CSMD1: variants seen among roughly 807,000 people sequenced by gnomAD.
CSMD1 encodes CUB and sushi domain-containing protein 1.
A neutral mutation model predicts 417.5 loss-of-function variants in CSMD1; 213 were observed. That is an observed-to-expected ratio of 0.51 (90% CI 0.46 to 0.57). CSMD1 has a LOEUF of 0.57. CSMD1 is among the 20% of genes least tolerant of loss of function. CSMD1 has a pLI of 0.00. For missense variants in CSMD1, 6,923 were observed against 4,529.7 expected, an observed-to-expected ratio of 1.53 and a Z score of -15.17; for synonymous variants, 2,862 against 1,736.8, an observed-to-expected ratio of 1.65 and a Z score of -16.11.
chr8:3,958,975 C>T (rs1037044387), intron 5 of CSMD1, among the ~76,000 whole-genome samples: 2 of 152,160 alleles, frequency 1.3e-5, no homozygotes, highest in Non-Finnish European at 2.9e-5. Flanking sequence ...TGTGAGCTCC[C>T]GGTCTGGGCC....
intron 12 of CSMD1, among the ~76,000 whole-genome samples, 167 bp from the exon 13 acceptor site, chr8:3,409,772 C>T (rs566344481): frequency 4.6e-5 from 7 of 152,032 alleles, no homozygotes; most frequent in African/African-American, 1.7e-4. Context: ...ATTTCAAATA[C>T]CAGAAAAAGA....
At chr8:4,185,843 T>A (rs1379990977) in intron 3 of CSMD1, among the ~76,000 whole-genome samples, 2 of 152,192 alleles carry the variant, frequency 1.3e-5, no homozygotes, top group Admixed American at 6.5e-5. Context: ...AAGCATGCAA[T>A]GAACAGAGCA....
chr8:4,251,461 C>G (rs1367897442), intron 3 of CSMD1, among the ~76,000 whole-genome samples: 2 of 152,120 alleles, frequency 1.3e-5, no homozygotes, highest in Non-Finnish European at 2.9e-5. Flanking sequence ...GCCCCTACAC[C>G]ATGCAGTGTT....
At chr8:4,619,907 T>C (rs759348370) in intron 2 of CSMD1, among the ~76,000 whole-genome samples, 1 of 152,030 alleles carries the variant, frequency 6.6e-6, no homozygotes, top group Admixed American at 6.6e-5. Context: ...ACTGGGCCAA[T>C]CACAACAAAA....
intron 3 of CSMD1, among the ~76,000 whole-genome samples, chr8:4,112,455 C>T (rs548099288): frequency 1.3e-5 from 2 of 152,320 alleles, no homozygotes; most frequent in South Asian, 2.1e-4. Flanking sequence ...CCTCCCCATT[C>T]TCCCCTGGTT....
intron 10 of CSMD1, among the ~76,000 whole-genome samples, chr8:3,569,058 T>C (rs1799836875): frequency 6.6e-6 from 1 of 152,198 alleles, no homozygotes; most frequent in Non-Finnish European, 1.5e-5. Flanking sequence ...AACATATTTA[T>C]ACATATCATA....
rs142404888 is a variant in CSMD1, at chr8:3,033,649, C to T, written c.7661-4136G>A. 1.2e-4 allele frequency among the ~76,000 whole-genome samples: 18 copies of T among 150,306 alleles called. No homozygotes were observed. The East Asian group carries it at 3.3e-3, about 27-fold the overall frequency. The stretch of plus-strand genomic sequence containing the variant: ...AGCATTAGGACAAATACTTAAACCA[C>T]GCGGGATTTAAAACCTAGATGACAG... On this transcript the variant is annotated intron_variant, in intron 50 of 69. Coordinates refer to ENST00000635120, the MANE Select transcript of CSMD1 (RefSeq NM_033225.6).
At chr8:4,286,259 C>T (rs531163646) in intron 3 of CSMD1, among the ~76,000 whole-genome samples, 66 of 152,260 alleles carry the variant, frequency 4.3e-4, no homozygotes, top group African/African-American at 1.5e-3. Context: ...CCATGCTCTC[C>T]ATGTCTCACT....
In CSMD1 at chr8:4,534,659, G is replaced by C. The variant is rs182890639; in HGVS notation, c.302+102683C>G. On this transcript the variant is annotated intron_variant, in intron 2 of 69. Transcript: ENST00000635120. ...TATGGCCATGTGTGCTCAGTGTTTAGTTCCCAGTTATAAGTGAGAACATGT... is the reference window on the plus strand; with the variant it reads ...TATGGCCATGTGTGCTCAGTGTTTACTTCCCAGTTATAAGTGAGAACATGT... 2.0e-3 allele frequency among the ~76,000 whole-genome samples: 297 copies of C among 152,044 alleles called. 2 individuals are homozygous for C. Among genetic ancestry groups the C allele is most frequent in the Non-Finnish European group, 3.8e-3 (257 of 67,984 alleles).
At chr8:4,931,755 G>A (rs117125163) in intron 1 of CSMD1, among the ~76,000 whole-genome samples, 16 of 152,320 alleles carry the variant, frequency 1.1e-4, no homozygotes, top group Non-Finnish European at 1.9e-4. Context: ...GCAATTTGGA[G>A]AGAATGGCTA....
chr8:4,077,757 G>A (rs1266670515), intron 3 of CSMD1, among the ~76,000 whole-genome samples: 3 of 152,074 alleles, frequency 2.0e-5, no homozygotes, highest in African/African-American at 7.2e-5. Flanking sequence ...CAATGCTATT[G>A]CCCTATGATA....
At chr8:3,501,559 A>C (rs1044241170) in intron 10 of CSMD1, among the ~76,000 whole-genome samples, 1 of 152,204 alleles carries the variant, frequency 6.6e-6, no homozygotes, top group African/African-American at 2.4e-5. Flanking sequence ...TGTAGGTTTG[A>C]AATTAATGGG....
chr8:4,022,112 G>C (rs975317474), intron 4 of CSMD1, among the ~76,000 whole-genome samples: 5 of 112,628 alleles, frequency 4.4e-5, no homozygotes, highest in Non-Finnish European at 8.9e-5. Flanking sequence ...TATATGAATG[G>C]ATATAGAATA....
intron 8 of CSMD1, among the ~76,000 whole-genome samples, chr8:3,616,397 A>T (rs1285268294): frequency 1.3e-5 from 2 of 152,166 alleles, no homozygotes; most frequent in Non-Finnish European, 2.9e-5. Flanking sequence ...TTCTGCCATG[A>T]TTGTAAGTTT....
intron 4 of CSMD1, among the ~76,000 whole-genome samples, chr8:4,021,501 G>C (rs905408937): frequency 6.6e-6 from 1 of 152,126 alleles, no homozygotes. Context: ...TACATCCCCA[G>C]CATCGTCCTC....
intron 42 of CSMD1, among the ~76,000 whole-genome samples, chr8:3,117,804 T>C (rs1816958714): frequency 6.6e-6 from 1 of 152,150 alleles, no homozygotes; most frequent in Non-Finnish European, 1.5e-5. Flanking sequence ...CCTCTTGCAC[T>C]ATTAAACCAC....
At position 3,587,985 on chromosome 8, in the gene CSMD1, C is replaced by T. The variant is rs139561807; in HGVS notation, c.1098-1725G>A. Among the ~76,000 whole-genome samples the T allele has an allele frequency of 2.8e-3, 433 of 152,176 alleles. 5 individuals are homozygous for T. The highest frequency in any genetic ancestry group is 0.025 in the Admixed American group (377 of 15,290). ...CGTGATTCCCATTTTCATTGCTAGC[C>T]ATCACAGTTATTTAAGATATCTGTA... On this transcript the variant is annotated intron_variant, in intron 8 of 69. Coordinates refer to ENST00000635120, the MANE Select transcript of CSMD1 (RefSeq NM_033225.6).
intron 2 of CSMD1, among the ~76,000 whole-genome samples, chr8:4,613,721 T>C (rs59085628): frequency 0.056 from 8,528 of 152,100 alleles, 250 homozygotes; most frequent in African/African-American, 0.073. Context: ...GTGAAAAAAA[T>C]AGAAGACTGA....
At chr8:3,846,697 G>A (rs185367929) in intron 5 of CSMD1, among the ~76,000 whole-genome samples, 36 of 151,970 alleles carry the variant, frequency 2.4e-4, no homozygotes, top group South Asian at 1.2e-3. Flanking sequence ...TCTCTCTGTC[G>A]CCCAGGCTGG....
Sources: gnomAD v4.1 joint callset for allele counts (sites outside exome capture counted in the v4.1 genomes callset) on GRCh38, gnomAD v4.1.1 for gene constraint, MANE v1.5 for transcripts, NCBI Gene and HGNC (gene_info 2026-07-23, HGNC 2026-07-21) for gene names.